Variants in RAB3C observed in about 807,000 individuals in gnomAD.
RAB3C encodes the protein ras-related protein Rab-3C.
A neutral mutation model predicts 26.4 loss-of-function variants in RAB3C; 17 were observed. The observed-to-expected ratio is 0.64, with a 90% confidence interval of 0.44 to 0.97. The LOEUF (loss-of-function observed/expected upper bound fraction) is 0.97, where lower values mean the gene tolerates loss of function less well. RAB3C is among the 50% of genes least tolerant of loss of function. The pLI, the probability that RAB3C is intolerant of heterozygous loss-of-function variation, is 0.00. For synonymous variants in RAB3C, 91 were observed against 95.9 expected (o/e 0.95, Z 0.30); for missense variants, 242 against 281.9 (o/e 0.86, Z 1.01).
rs917281106 is a variant in RAB3C at position 58,657,797 on chromosome 5, T to A, written c.252+39927T>A. On this transcript the variant is annotated intron_variant, in intron 2 of 4. Transcript: ENST00000282878. ...GATAGACTTTTATTCTGTTTTTCTCTTAGTTTTATCCCCCCTAAAACTGCT... is the reference window on the plus strand; with the variant it reads ...GATAGACTTTTATTCTGTTTTTCTCATAGTTTTATCCCCCCTAAAACTGCT... 2.0e-5 allele frequency among the ~76,000 whole-genome samples: 3 copies of A among 152,148 alleles called. No individual in the cohort carries two copies. In the East Asian group the frequency reaches 5.8e-4, roughly 29 times the overall value.
At chr5:58,730,854 A>G (rs565353202) in intron 3 of RAB3C, among the ~76,000 whole-genome samples, 38 of 152,292 alleles carry the variant, frequency 2.5e-4, no homozygotes, top group Non-Finnish European at 4.4e-4. Flanking sequence ...TTTATAAACG[A>G]AAGAAGTTTA....
At chr5:58,836,673 AC>A (rs1399339452) in intron 4 of RAB3C, among the ~76,000 whole-genome samples, 14 of 100,576 alleles carry the variant, frequency 1.4e-4, no homozygotes, top group African/African-American at 4.8e-4. Context: ...ACTTAATATA[AC>A]GTCCCTCCAG....
At chr5:58,656,074 C>G (rs1030292870) in intron 2 of RAB3C, among the ~76,000 whole-genome samples, 1 of 152,014 alleles carries the variant, frequency 6.6e-6, no homozygotes, top group Non-Finnish European at 1.5e-5. Context: ...CGTGAGCCAC[C>G]GCGCCCGGCC....
At chr5:58,599,522 T>A (rs987085219) in intron 1 of RAB3C, among the ~76,000 whole-genome samples, 2 of 152,124 alleles carry the variant, frequency 1.3e-5, no homozygotes, top group Admixed American at 6.5e-5. Flanking sequence ...TCTGGGGTTC[T>A]CCTTTACTCT....
chr5:58,804,345 C>T (rs1269410605), intron 3 of RAB3C, among the ~76,000 whole-genome samples: 1 of 152,100 alleles, frequency 6.6e-6, no homozygotes, highest in Non-Finnish European at 1.5e-5. Context: ...ATTCCTATTG[C>T]CTCCCCCAGG....
chr5:58,803,340 T>C (rs906592162), intron 3 of RAB3C, among the ~76,000 whole-genome samples: 1 of 152,208 alleles, frequency 6.6e-6, no homozygotes, highest in Non-Finnish European at 1.5e-5. Flanking sequence ...TGGTTTTTAC[T>C]GATGAGCTTA....
Position 58,824,992 on chromosome 5 carries a change from G to T in RAB3C, c.372-46G>T. 4.3e-6 allele frequency: 6 copies of T among 1,387,592 alleles called. No individual in the cohort carries two copies. The South Asian group carries it at 5.2e-5, about 12-fold the overall frequency. 86.0% of individuals were successfully genotyped at this position (1,387,592 alleles called of 1,614,324 possible). ...TATTTCTTCTCCTTCATTTTATGCT[G>T]TTCTGCTTTCCTCTGATTGTGTCAT... is the stretch of plus-strand genomic sequence containing the variant. On this transcript the variant is annotated intron_variant, in intron 3 of 4. Coordinates refer to ENST00000282878, the MANE Select transcript of RAB3C (RefSeq NM_138453.4).
chr5:58,597,819 A>G (rs1238593344), intron 1 of RAB3C, among the ~76,000 whole-genome samples: 1 of 88,840 alleles, frequency 1.1e-5, no homozygotes, highest in East Asian at 3.1e-4. Context: ...ATATATAAGT[A>G]TACGATAACA....
At chr5:58,791,460 G>A (rs1342345421) in intron 3 of RAB3C, among the ~76,000 whole-genome samples, 1 of 152,220 alleles carries the variant, frequency 6.6e-6, no homozygotes, top group African/African-American at 2.4e-5. Context: ...CAGGTGCAGA[G>A]AGAAAGAGAT....
intron 3 of RAB3C, among the ~76,000 whole-genome samples, chr5:58,756,345 TG>T (rs1741658299): frequency 7.3e-6 from 1 of 137,860 alleles, no homozygotes; most frequent in African/African-American, 3.0e-5. Flanking sequence ...AACATATATA[TG>T]TTATATATAT....
At chr5:58,698,835 T>C (rs1024101152) in intron 2 of RAB3C, among the ~76,000 whole-genome samples, 6 of 152,188 alleles carry the variant, frequency 3.9e-5, no homozygotes, top group African/African-American at 1.4e-4. Context: ...CTAATCTTTT[T>C]TCAATGTGTT....
chr5:58,688,126 A>G (rs186527368), intron 2 of RAB3C, among the ~76,000 whole-genome samples: 445 of 152,234 alleles, frequency 2.9e-3, no homozygotes, highest in Non-Finnish European at 4.1e-3. Flanking sequence ...TAACCTGTTT[A>G]TTGTTCTAAT....
intron 2 of RAB3C, among the ~76,000 whole-genome samples, chr5:58,628,016 G>A (rs1747096392): frequency 6.6e-6 from 1 of 151,944 alleles, no homozygotes; most frequent in African/African-American, 2.4e-5. Flanking sequence ...AGTTAGCTGG[G>A]CGTGGTGGCA....
Position 58,741,157 on chromosome 5 carries a change from A to G in RAB3C, c.371+15037A>G, listed in dbSNP as rs563982319. Among the ~76,000 whole-genome samples the G allele has an allele frequency of 3.3e-5, 5 of 152,382 alleles. No homozygotes were observed. The East Asian group carries it at 9.6e-4, about 29-fold the overall frequency. ...GCAGGGCAAGATCTGGCAGTGTTCC[A>G]GAGCAGAAGCTTCTGATGTCCTCAG... is the stretch of plus-strand genomic sequence containing the variant. On this transcript the variant is annotated intron_variant, in intron 3 of 4. Transcript: ENST00000282878.
At chr5:58,712,598 C>T (rs934423112) in intron 2 of RAB3C, among the ~76,000 whole-genome samples, 3 of 152,146 alleles carry the variant, frequency 2.0e-5, no homozygotes, top group African/African-American at 4.8e-5. Context: ...GATCTTGGCT[C>T]ACTTCAACCT....
At chr5:58,719,348 T>A (rs548972151) in intron 2 of RAB3C, among the ~76,000 whole-genome samples, 1 of 152,144 alleles carries the variant, frequency 6.6e-6, no homozygotes, top group East Asian at 1.9e-4. Context: ...GATTTTAGCA[T>A]AACATCTTTC....
At chr5:58,692,412 A>T (rs1283003918) in intron 2 of RAB3C, among the ~76,000 whole-genome samples, 1 of 152,202 alleles carries the variant, frequency 6.6e-6, no homozygotes, top group Non-Finnish European at 1.5e-5. Context: ...AGGATAGGTA[A>T]TGATATCTTT....
chr5:58,594,616 C>T (rs1331083549), intron 1 of RAB3C, among the ~76,000 whole-genome samples: 2 of 152,014 alleles, frequency 1.3e-5, no homozygotes, highest in Non-Finnish European at 2.9e-5. Flanking sequence ...ATTCCTTTGT[C>T]TCGTAAGTGC....
chr5:58,640,027 C>T (rs990647391), intron 2 of RAB3C, among the ~76,000 whole-genome samples: 5 of 152,132 alleles, frequency 3.3e-5, no homozygotes, highest in African/African-American at 9.7e-5. Flanking sequence ...GGGAAGCTTA[C>T]TACATAAAGG....
Sources: gnomAD v4.1 joint callset for allele counts (sites outside exome capture counted in the v4.1 genomes callset) on GRCh38, gnomAD v4.1.1 for gene constraint, MANE v1.5 for transcripts, NCBI Gene and HGNC (gene_info 2026-07-23, HGNC 2026-07-21) for gene names.